Variants in RPS6KA2 observed in about 807,000 individuals in gnomAD.
The protein encoded by RPS6KA2 is ribosomal protein S6 kinase alpha-2.
RPS6KA2 carries 42 observed loss-of-function variants against 91.8 expected under a neutral mutation model. That is an observed-to-expected ratio of 0.46 (90% CI 0.36 to 0.59). The LOEUF (loss-of-function observed/expected upper bound fraction) is 0.59, where lower values mean the gene tolerates loss of function less well. RPS6KA2 is among the 20% of genes least tolerant of loss of function. RPS6KA2 has a pLI of 0.00. For missense variants in RPS6KA2, 798 were observed against 978.5 expected (o/e 0.82, Z 2.46); for synonymous variants, 414 against 393.6 (o/e 1.05, Z -0.61).
chr6:166,806,395 A>G (rs986540748), intron 2 of RPS6KA2, among the ~76,000 whole-genome samples: 1 of 152,246 alleles, frequency 6.6e-6, no homozygotes, highest in African/African-American at 2.4e-5. Flanking sequence ...GACTCATCAC[A>G]TACAGAGGGA....
At chr6:166,652,766 G>C (rs1340376428) in intron 2 of RPS6KA2, among the ~76,000 whole-genome samples, 4 of 152,158 alleles carry the variant, frequency 2.6e-5, no homozygotes, top group Admixed American at 1.3e-4. Flanking sequence ...GTGGTGAATC[G>C]TACCGAGATT....
At chr6:166,839,103 C>T (rs552105145) in intron 2 of RPS6KA2, among the ~76,000 whole-genome samples, 1 of 152,280 alleles carries the variant, frequency 6.6e-6, no homozygotes, top group South Asian at 2.1e-4. Flanking sequence ...CGTTAGACAA[C>T]CAGTGTGTGT....
rs1485281443 is a variant in RPS6KA2 at position 166,508,142 on chromosome 6, CCCCTCGAGT to C, written c.459+52_459+60del. The C allele has an allele frequency of 1.9e-5, 20 of 1,077,362 alleles. No homozygotes were observed. Among genetic ancestry groups the C allele is most frequent in the Non-Finnish European group, 4.3e-6 (3 of 704,644 alleles). 66.7% of individuals were successfully genotyped at this position (1,077,362 alleles called of 1,614,324 possible). A position where few individuals can be genotyped will look rare whatever the true frequency, so the allele number is the denominator to read the frequency against. On this transcript the variant is annotated intron_variant, in intron 5 of 20. Coordinates refer to ENST00000265678, the MANE Select transcript of RPS6KA2 (RefSeq NM_021135.6). The surrounding 1 kb of genome is among the most constrained non-coding windows in gnomAD (Gnocchi z 4.3). ...CCTCTCAATGCTCTCCACCCCTCCTCCCCTCGAGTCCCAGACAGAAGCTCCTGCCCGCCC... is the reference window on the plus strand; with the variant it reads ...CCTCTCAATGCTCTCCACCCCTCCTCCCCAGACAGAAGCTCCTGCCCGCCC...
chr6:166,833,345 G>A (rs1175300728), intron 2 of RPS6KA2, among the ~76,000 whole-genome samples: 1 of 152,188 alleles, frequency 6.6e-6, no homozygotes, highest in Non-Finnish European at 1.5e-5. Flanking sequence ...TTTCCTTTAT[G>A]ATGTAATATT....
intron 2 of RPS6KA2, among the ~76,000 whole-genome samples, chr6:166,536,042 G>C (rs1312106382): frequency 1.3e-5 from 2 of 152,250 alleles, no homozygotes; most frequent in African/African-American, 2.4e-5. Context: ...TGCAGTCTGA[G>C]GTCAGGAGCT....
chr6:166,793,041 A>G (rs951288679), intron 2 of RPS6KA2, among the ~76,000 whole-genome samples: 2 of 152,038 alleles, frequency 1.3e-5, no homozygotes, highest in Non-Finnish European at 2.9e-5. Flanking sequence ...AGGGTATTCA[A>G]TTAGGAAAAG....
Position 166,500,865 on chromosome 6 carries a change from G to A in RPS6KA2, c.604+22C>T, listed in dbSNP as rs758511124. 3.1e-5 allele frequency: 50 copies of A among 1,611,938 alleles called. No homozygotes were observed. The South Asian group carries it at 3.8e-4, about 12-fold the overall frequency. ...CAGGGCTGAGATGAAGCCATGGAGG[G>A]GGCCTGCCGTCTTTTACAAACCTGT... On this transcript the variant is annotated intron_variant, in intron 7 of 20. Coordinates refer to ENST00000265678, the MANE Select transcript of RPS6KA2 (RefSeq NM_021135.6). This position sits in a 1 kb window ranked among gnomAD's most constrained non-coding sequence, Gnocchi z 4.3.
intron 11 of RPS6KA2, among the ~76,000 whole-genome samples, chr6:166,464,354 G>A (rs1237754171): frequency 1.3e-5 from 2 of 152,130 alleles, no homozygotes; most frequent in East Asian, 3.9e-4. Context: ...CACAGCTAAT[G>A]GTGTGCTTGG....
chr6:166,596,758 C>CATCT (rs1785548285), intron 1 of RPS6KA2, among the ~76,000 whole-genome samples: 1 of 152,188 alleles, frequency 6.6e-6, no homozygotes. Context: ...TTCACATATA[C>CATCT]ATCTATCCTA....
intron 2 of RPS6KA2, among the ~76,000 whole-genome samples, chr6:166,535,802 G>A (rs1583253116): frequency 6.6e-6 from 1 of 152,294 alleles, no homozygotes; most frequent in East Asian, 1.9e-4. Context: ...GCTTTTCTCT[G>A]GTCCCAAGCA....
At chr6:166,693,853 A>T (rs1165573549) in intron 2 of RPS6KA2, among the ~76,000 whole-genome samples, 1 of 152,216 alleles carries the variant, frequency 6.6e-6, no homozygotes, top group African/African-American at 2.4e-5. Flanking sequence ...CCAAGCTTAG[A>T]CACACCCCTT....
chr6:166,498,712 C>T (rs1781890391), intron 7 of RPS6KA2, 62 bp from the exon 8 acceptor site: 3 of 1,589,238 alleles, frequency 1.9e-6, no homozygotes, highest in Non-Finnish European at 2.6e-6. Flanking sequence ...GGTCCACACT[C>T]AGGCGGGCAT....
chr6:166,485,635 C>T (rs1031857140), intron 10 of RPS6KA2, among the ~76,000 whole-genome samples: 3 of 152,188 alleles, frequency 2.0e-5, no homozygotes, highest in Non-Finnish European at 4.4e-5. Context: ...AGCTGAGACA[C>T]GCTTCTCAAC....
At chr6:166,686,209 C>T (rs763458531) in intron 2 of RPS6KA2, among the ~76,000 whole-genome samples, 31 of 152,094 alleles carry the variant, frequency 2.0e-4, no homozygotes, top group Admixed American at 1.3e-4. Flanking sequence ...GTCCTGCCGC[C>T]AGGAACAGGA....
chr6:166,760,002 T>C (rs1450819414), intron 2 of RPS6KA2, among the ~76,000 whole-genome samples: 1 of 152,266 alleles, frequency 6.6e-6, no homozygotes, highest in Non-Finnish European at 1.5e-5. Context: ...TTTTAAAATA[T>C]GTAGTATTCA....
At chr6:166,667,196 T>G (rs1413241221) in intron 2 of RPS6KA2, among the ~76,000 whole-genome samples, 1 of 152,194 alleles carries the variant, frequency 6.6e-6, no homozygotes, top group Non-Finnish European at 1.5e-5. Context: ...GCAATGTGAG[T>G]GTACCCAATA....
At chr6:166,461,470 C>G (rs898463536) in intron 11 of RPS6KA2, among the ~76,000 whole-genome samples, 1 of 149,396 alleles carries the variant, frequency 6.7e-6, no homozygotes, top group Non-Finnish European at 1.5e-5. Flanking sequence ...CATCCTCCCT[C>G]TGTGTGAGAG....
chr6:166,635,346 G>A lies in RPS6KA2; in HGVS notation c.124-96562C>T, dbSNP rs1333340116. 6.6e-6 allele frequency among the ~76,000 whole-genome samples: 1 copy of A among 152,222 alleles called. No individual in the cohort carries two copies. Among genetic ancestry groups the A allele is most frequent in the African/African-American group, 2.4e-5 (1 of 41,462 alleles). On this transcript the variant is annotated intron_variant, in intron 2 of 21. Transcript: ENST00000503859. This position sits in a 1 kb window ranked among gnomAD's most constrained non-coding sequence, Gnocchi z 4.8. ...CCTGACGGGCACTGCAGTCTCTGGG[G>A]TAGCACAGACAAGCCAGGGTGCGTT...
At chr6:166,836,902 A>T (rs1291947935) in intron 2 of RPS6KA2, among the ~76,000 whole-genome samples, 1 of 152,144 alleles carries the variant, frequency 6.6e-6, no homozygotes, top group African/African-American at 2.4e-5. Flanking sequence ...TCAGGAGCTG[A>T]CCAGGCCTCG....
Sources: gnomAD v4.1 joint callset for allele counts (sites outside exome capture counted in the v4.1 genomes callset) on GRCh38, gnomAD v4.1.1 for gene constraint, Gnocchi (gnomAD v3.1) non-coding constraint, MANE v1.5 for transcripts, NCBI Gene and HGNC (gene_info 2026-07-23, HGNC 2026-07-21) for gene names.